Variants in PPP1R7 observed in about 807,000 individuals in gnomAD.
PPP1R7 encodes the protein protein phosphatase 1 regulatory subunit 22.
A neutral mutation model predicts 45.2 loss-of-function variants in PPP1R7; 18 were observed. The observed-to-expected ratio is 0.40, with a 90% confidence interval of 0.28 to 0.59. The LOEUF (loss-of-function observed/expected upper bound fraction) is 0.59, where lower values mean the gene tolerates loss of function less well. Among genes scored for constraint, PPP1R7 ranks in the 20% least tolerant of loss-of-function variants. PPP1R7 has a pLI of 0.46. For synonymous variants in PPP1R7, 181 were observed against 183.4 expected, an observed-to-expected ratio of 0.99 and a Z score of 0.11; for missense variants, 314 against 455.8, an observed-to-expected ratio of 0.69 and a Z score of 2.83.
At chr2:241,173,328 C>T (rs187098739) in intron 9 of PPP1R7, among the ~76,000 whole-genome samples, 10 of 150,432 alleles carry the variant, frequency 6.6e-5, no homozygotes, top group South Asian at 6.3e-4. Context: ...AGACTGGTCT[C>T]GAACTCCTGA....
intron 1 of PPP1R7, among the ~76,000 whole-genome samples, chr2:241,153,156 C>T (rs545189753): frequency 4.6e-5 from 7 of 152,316 alleles, no homozygotes; most frequent in African/African-American, 1.7e-4. Context: ...GCTTCACTAC[C>T]GGGTTCCATT....
intron 9 of PPP1R7, among the ~76,000 whole-genome samples, chr2:241,170,820 CAG>C (rs34311041): frequency 0.056 from 8,463 of 152,170 alleles, 303 homozygotes; most frequent in South Asian, 0.15. Context: ...GATGGGATAC[CAG>C]AGCATGTCTG....
At chr2:241,172,656 A>G (rs951021541) in intron 9 of PPP1R7, among the ~76,000 whole-genome samples, 6 of 152,022 alleles carry the variant, frequency 3.9e-5, no homozygotes, top group Non-Finnish European at 8.8e-5. Context: ...AAAAAAAAAA[A>G]AAGAAATTTA....
intron 9 of PPP1R7, among the ~76,000 whole-genome samples, chr2:241,171,024 T>G (rs969301637): frequency 5.3e-5 from 8 of 151,986 alleles, no homozygotes; most frequent in African/African-American, 1.9e-4. Context: ...ACAACAGGAA[T>G]AAGGAGTCCA....
chr2:241,166,813 C>T (rs899751266), intron 8 of PPP1R7, among the ~76,000 whole-genome samples: 4 of 152,198 alleles, frequency 2.6e-5, no homozygotes, highest in African/African-American at 9.7e-5. Flanking sequence ...CGTAAAGGGC[C>T]CTGTATGAGG....
chr2:241,150,317 CGCGG>C (rs2067226571), upstream of PPP1R7: 29 of 1,331,038 alleles, frequency 2.2e-5, no homozygotes, highest in Non-Finnish European at 3.9e-6. Context: ...CTGGGGGAGG[CGCGG>C]CGCGCGGCCT....
intron 7 of PPP1R7, among the ~76,000 whole-genome samples, chr2:241,165,123 A>G (rs972886201): frequency 1.3e-5 from 2 of 152,244 alleles, no homozygotes; most frequent in Non-Finnish European, 2.9e-5. Flanking sequence ...AAATTATTAA[A>G]TCAGGTAAAC....
chr2:241,157,873 C>T lies in PPP1R7; in HGVS notation c.237+11C>T. 1 of 1,612,426 alleles carries T rather than the reference C, an allele frequency of 6.2e-7. No homozygotes were observed. Among genetic ancestry groups the T allele is most frequent in the Non-Finnish European group, 8.5e-7 (1 of 1,178,418 alleles). On this transcript the variant is annotated intron_variant, in intron 3 of 9. Transcript: ENST00000234038. Reference sequence around the variant, plus strand: ...GACAGAGATGCAGAGGTAATGCCGCCTGCTCAGCCCAGCCTTGGGCGTGGT... The same window carrying T: ...GACAGAGATGCAGAGGTAATGCCGCTTGCTCAGCCCAGCCTTGGGCGTGGT...
intron 2 of PPP1R7, among the ~76,000 whole-genome samples, chr2:241,156,777 A>G (rs916330667): frequency 6.6e-6 from 1 of 152,224 alleles, no homozygotes; most frequent in African/African-American, 2.4e-5. Context: ...AAGGAAAGAA[A>G]TGTTAAGACA....
Position 241,182,909 on chromosome 2 carries a change from G to T in PPP1R7, c.*86G>T, listed in dbSNP as rs998153613. ...TAACCCACCTGTTGCTCCTGAGGTC[G>T]TCACTATATCAACAGTCACAAACCC... On this transcript the variant is annotated 3_prime_UTR_variant, in exon 10 of 10. Coordinates refer to ENST00000234038, the MANE Select transcript of PPP1R7 (RefSeq NM_002712.3). 3.4e-6 allele frequency: 5 copies of T among 1,456,154 alleles called. No homozygotes were observed. The highest frequency in any genetic ancestry group is 4.8e-5 in the East Asian group (2 of 41,918). The allele number at this position is 1,456,154 out of a possible 1,614,324, so 90.2% of individuals were successfully genotyped here.
In PPP1R7 at chr2:241,160,478, G is replaced by T. The variant is rs2067560294; in HGVS notation, c.581G>T (p.Gly194Val). 1 of 1,605,862 alleles carries T rather than the reference G, an allele frequency of 6.2e-7. No individual in the cohort carries two copies. The highest frequency in any genetic ancestry group is 1.3e-5 in the African/African-American group (1 of 74,306). The change falls in exon 6 of 10, where the codon GGA becomes GTA. Residue 194 changes from glycine (G) to valine (V), a missense_variant. Transcript: ENST00000234038. The part of the protein sequence containing the change: ...NLHQLQMLEL[G>V]SNRIRAIENI... Reference sequence around the variant, plus strand: ...CATCAACTACAGATGCTAGAGCTGGGATCTAACCGCATCCGGGTAGGTGCA... The same window carrying T: ...CATCAACTACAGATGCTAGAGCTGGTATCTAACCGCATCCGGGTAGGTGCA...
rs148337299 is a variant in PPP1R7, at chr2:241,177,579, A to C, written c.907-5068A>C. On this transcript the variant is annotated intron_variant, in intron 9 of 9. Transcript: ENST00000234038. Reference sequence around the variant, plus strand: ...GTTAAGGTTATTTTCTATGACATACAAAAAGTTCTTTAAAGTGAAAGAAAG... The same window carrying C: ...GTTAAGGTTATTTTCTATGACATACCAAAAGTTCTTTAAAGTGAAAGAAAG... 3.1e-3 allele frequency among the ~76,000 whole-genome samples: 465 copies of C among 152,386 alleles called. 2 individuals are homozygous for C. Among genetic ancestry groups the C allele is most frequent in the African/African-American group, 0.01 (431 of 41,596 alleles).
At chr2:241,168,069 G>A (rs1575399770) in intron 8 of PPP1R7, among the ~76,000 whole-genome samples, 1 of 152,204 alleles carries the variant, frequency 6.6e-6, no homozygotes, top group South Asian at 2.1e-4. Context: ...CCTGACAGGT[G>A]TAGTTTCTGT....
chr2:241,180,453 C>A (rs1446360650), intron 9 of PPP1R7, among the ~76,000 whole-genome samples: 2 of 146,932 alleles, frequency 1.4e-5, no homozygotes, highest in Admixed American at 1.4e-4. Context: ...TTTAAGCTTA[C>A]AGATTTGCGT....
intron 9 of PPP1R7, among the ~76,000 whole-genome samples, chr2:241,178,064 G>C (rs921661651): frequency 6.6e-6 from 1 of 152,234 alleles, no homozygotes; most frequent in Admixed American, 6.5e-5. Context: ...CCCTGCACAA[G>C]CAGCCTGTGC....
At chr2:241,153,780 A>T (rs143638273) in intron 2 of PPP1R7, among the ~76,000 whole-genome samples, 176 bp downstream of exon 2, 3 of 152,338 alleles carry the variant, frequency 2.0e-5, no homozygotes, top group African/African-American at 7.2e-5. Context: ...CTCCTTCAGC[A>T]GGCTGACTCA....
rs528403732 is a variant in PPP1R7, at chr2:241,168,847, T to C, written c.820-934T>C. On this transcript the variant is annotated intron_variant, in intron 8 of 9. Coordinates refer to ENST00000234038, the MANE Select transcript of PPP1R7 (RefSeq NM_002712.3). ...TTCAGGGGAGATGGGGGGAGGAGTA[T>C]TTGCTTTTGAGAAATTTTTTAACTT... Among the ~76,000 whole-genome samples the C allele has an allele frequency of 1.6e-4, 24 of 152,184 alleles. 1 individual carries two copies. The South Asian group carries it at 4.8e-3, about 30-fold the overall frequency.
At chr2:241,173,489 A>G (rs6706956) in intron 9 of PPP1R7, among the ~76,000 whole-genome samples, 58,310 of 151,726 alleles carry the variant, frequency 0.38, 11,888 homozygotes, top group East Asian at 0.75. Context: ...GTTCTTTTTA[A>G]TCATTGTTTC....
At position 241,182,696 on chromosome 2, in the gene PPP1R7, G is replaced by C. The variant is rs2068025448; in HGVS notation, c.956G>C (p.Gly319Ala). The C allele has an allele frequency of 6.2e-7, 1 of 1,614,042 alleles. No homozygotes were observed. The highest frequency in any genetic ancestry group is 1.3e-5 in the African/African-American group (1 of 74,898). The change falls in exon 10 of 10, where the codon GGA (glycine) becomes GCA (alanine). Residue 319 changes from glycine to alanine, a missense_variant. Transcript: ENST00000234038. ...TGGAGCGACCTCGACGAGCTGAAGG[G>C]AGCCAGGAGCCTGGAGACAGTGTAC... is the stretch of plus-strand genomic sequence containing the variant. ...ESWSDLDELK[G>A]ARSLETVYLE...
Sources: gnomAD v4.1 joint callset for allele counts (sites outside exome capture counted in the v4.1 genomes callset) on GRCh38, gnomAD v4.1.1 for gene constraint, MANE v1.5 for transcripts, NCBI Gene and HGNC (gene_info 2026-07-23, HGNC 2026-07-21) for gene names.